The following PRPSAP1 variants were observed in gnomAD, a reference collection of about 807,000 sequenced individuals.
PRPSAP1 encodes phosphoribosyl pyrophosphate synthase-associated protein 1.
In PRPSAP1, 31 loss-of-function variants were observed where a neutral mutation model predicts 39.4. The ratio of observed to expected loss-of-function variants is 0.79; its 90% CI spans 0.59 to 1.06. The LOEUF is 1.06. Ranked by LOEUF, PRPSAP1 falls within the 50% of genes least tolerant of loss-of-function variation. The probability of loss-of-function intolerance (pLI) is 0.00; values close to 1 mark genes in which losing one functional copy is unlikely to be tolerated. For synonymous variants in PRPSAP1, 212 were observed against 192.6 expected (o/e 1.10, Z -0.83); for missense variants, 430 against 511.6 (o/e 0.84, Z 1.54).
intron 7 of PRPSAP1, among the ~76,000 whole-genome samples, chr17:76,325,730 C>T (rs1192028225): frequency 3.3e-5 from 5 of 151,260 alleles, no homozygotes; most frequent in Admixed American, 6.6e-5. Flanking sequence ...CTCAGCCACC[C>T]GGTAGCTGGG....
At chr17:76,319,164 T>C (rs2071159316) in intron 7 of PRPSAP1, among the ~76,000 whole-genome samples, 1 of 151,914 alleles carries the variant, frequency 6.6e-6, no homozygotes, top group African/African-American at 2.4e-5. Context: ...GGTCTCGAAC[T>C]CCTGACCTCG....
intron 7 of PRPSAP1, among the ~76,000 whole-genome samples, chr17:76,324,037 T>C (rs2071225974): frequency 1.0e-4 from 2 of 19,598 alleles, no homozygotes; most frequent in Non-Finnish European, 1.8e-4. Context: ...TCCCAGCTAC[T>C]CGGGAAGCTG....
In PRPSAP1 at chr17:76,309,551, G is replaced by GCAC. The variant is rs2071046574; in HGVS notation, c.*1990_*1991insGTG. The GCAC allele has an allele frequency of 6.6e-6, 1 of 152,164 alleles. No individual in the cohort carries two copies. Among genetic ancestry groups the GCAC allele is most frequent in the Non-Finnish European group, 1.5e-5 (1 of 68,048 alleles). The allele number at this position is 152,164 out of a possible 1,614,324, so 9.4% of individuals were successfully genotyped here. On this transcript the variant is annotated 3_prime_UTR_variant, in exon 10 of 10. Transcript: ENST00000446526. Reference sequence around the variant, plus strand: ...CAGAAGCACAGCAAGGCTACTTAAAGAGAACCTATGAATGTGTGCCATGCA... The same window carrying GCAC: ...CAGAAGCACAGCAAGGCTACTTAAAGCACAGAACCTATGAATGTGTGCCATGCA...
chr17:76,313,890 C>T lies in PRPSAP1; in HGVS notation c.783G>A (p.Leu261=). The T allele has an allele frequency of 6.2e-7, 1 of 1,614,118 alleles. No individual in the cohort carries two copies. Among genetic ancestry groups the T allele is most frequent in the South Asian group, 1.1e-5 (1 of 91,078 alleles). ...TCGGTGGCTTCTCTTTGGCCATCAT[C>T]ACTAGCAAAACAAAACAAATTACAA... ...ATVHPGLELP[L]MMAKEKPPIT... The change falls in exon 8 of 10, where the codon TTG becomes TTA. Residue 261 remains leucine, a splice_region_variant and synonymous_variant. Transcript: ENST00000446526.
intron 3 of PRPSAP1, among the ~76,000 whole-genome samples, chr17:76,338,691 AG>A (rs1306092558): frequency 6.6e-6 from 1 of 151,476 alleles, no homozygotes; most frequent in Non-Finnish European, 1.5e-5. Flanking sequence ...CAACACAGCA[AG>A]ACTCCGTCTC....
At position 76,313,835 on chromosome 17, in the gene PRPSAP1, T is replaced by C. The variant is rs2071093404; in HGVS notation, c.838A>G (p.Ile280Val). The C allele has an allele frequency of 1.2e-6, 2 of 1,614,210 alleles. No homozygotes were observed. Among genetic ancestry groups the C allele is most frequent in the East Asian group, 2.2e-5 (1 of 44,886 alleles). The change falls in exon 8 of 10, where the codon ATC (isoleucine) becomes GTC (valine). Residue 280 changes from isoleucine (I) to valine (V), a missense_variant. Physicochemically the swap from Ile to Val is conservative, Grantham distance 29. Around this residue, in one of 2 missense-constraint regions of PRPSAP1, gnomAD observed 278 missense variants for 376.3 expected, o/e 0.74. Coordinates refer to ENST00000446526, the MANE Select transcript of PRPSAP1 (RefSeq NM_002766.3). Reference sequence around the variant, plus strand: ...TATAACCATACCACGATGATTGCGATGCGGCCTCCAACATCTCCAACTACA... The same window carrying C: ...TATAACCATACCACGATGATTGCGACGCGGCCTCCAACATCTCCAACTACA... ...ITVVGDVGGR[I>V]AIIVDDIIDD...
upstream of PRPSAP1, chr17:76,354,085 T>C: frequency 9.6e-7 from 1 of 1,038,496 alleles, no homozygotes. Flanking sequence ...GGGAGCTCTT[T>C]CGGTCTCACT....
chr17:76,326,781 G>T (rs2071259956), intron 7 of PRPSAP1, among the ~76,000 whole-genome samples: 1 of 152,148 alleles, frequency 6.6e-6, no homozygotes, highest in Non-Finnish European at 1.5e-5. Context: ...CCTGAGTAAG[G>T]TCTGTAGATT....
chr17:76,344,678 T>G lies in PRPSAP1; in HGVS notation c.283A>C (p.Ile95Leu). 6.4e-7 allele frequency: 1 copy of G among 1,568,434 alleles called. No homozygotes were observed. Among genetic ancestry groups the G allele is most frequent in the Admixed American group, 1.9e-5 (1 of 53,658 alleles). ...AGTAGTCAGTCCTCTTACCTGGGTATTGTCTGTATAATGAAAATATCTTGG... is the reference window on the plus strand; with the variant it reads ...AGTAGTCAGTCCTCTTACCTGGGTAGTGTCTGTATAATGAAAATATCTTGG... ...RGQDIFIIQT[I>L]PRDVNTAVME... is the part of the protein sequence containing the mutation. Residue 95 changes from isoleucine (I) to leucine (L), a missense_variant, in exon 3 of 10, where the codon ATA becomes CTA. Coordinates refer to ENST00000446526, the MANE Select transcript of PRPSAP1 (RefSeq NM_002766.3).
At chr17:76,351,247 T>C (rs2071566279) in intron 1 of PRPSAP1, among the ~76,000 whole-genome samples, 2 of 150,654 alleles carry the variant, frequency 1.3e-5, no homozygotes, top group South Asian at 4.2e-4. Context: ...CCGGGCGCGG[T>C]GGCTCACGCC....
At chr17:76,325,841 C>T (rs1181269770) in intron 7 of PRPSAP1, among the ~76,000 whole-genome samples, 3 of 152,002 alleles carry the variant, frequency 2.0e-5, no homozygotes, top group Non-Finnish European at 2.9e-5. Context: ...CTCCTGACCT[C>T]GTGATCTGCC....
At chr17:76,336,267 G>T (rs969112127) in intron 3 of PRPSAP1, among the ~76,000 whole-genome samples, 1 of 151,908 alleles carries the variant, frequency 6.6e-6, no homozygotes, top group Non-Finnish European at 1.5e-5. Flanking sequence ...GTGAAAGCCC[G>T]TCTCTACTAA....
rs758832617 is a variant in PRPSAP1, at chr17:76,353,472, C to G, written c.170+62G>C. 9.4e-4 allele frequency: 1,331 copies of G among 1,415,932 alleles called. 13 individuals are homozygous for G. The highest frequency in any genetic ancestry group is 5.0e-4 in the Middle Eastern group (2 of 3,976). The allele number at this position is 1,415,932 out of a possible 1,614,324, so 87.7% of individuals were successfully genotyped here. On this transcript the variant is annotated intron_variant, in intron 1 of 9. Coordinates refer to ENST00000446526, the MANE Select transcript of PRPSAP1 (RefSeq NM_002766.3). ...GGCGGGTGGAGGGGAGCGGGTCCCT[C>G]CGGGCGCGAAGGAGAGCTAGGCGCC...
chr17:76,347,374 CT>C (rs2071517596), intron 2 of PRPSAP1, among the ~76,000 whole-genome samples: 1 of 149,166 alleles, frequency 6.7e-6, no homozygotes, highest in Non-Finnish European at 1.5e-5. Context: ...GTAATCCCAG[CT>C]ACTTGGGAGG....
intron 7 of PRPSAP1, among the ~76,000 whole-genome samples, chr17:76,320,591 ATT>A (rs34656314): frequency 5.8e-5 from 8 of 139,122 alleles, no homozygotes; most frequent in Non-Finnish European, 3.1e-5. Context: ...CGTCCAGCTA[ATT>A]TTTTTTTTTT....
intron 1 of PRPSAP1, among the ~76,000 whole-genome samples, chr17:76,352,549 G>C (rs1172025446): frequency 6.6e-6 from 1 of 150,496 alleles, no homozygotes; most frequent in Non-Finnish European, 1.5e-5. Context: ...GGAGGCTGGG[G>C]CAGGACAATG....
chr17:76,351,144 T>C (rs1462890989), intron 1 of PRPSAP1, among the ~76,000 whole-genome samples: 3 of 151,842 alleles, frequency 2.0e-5, no homozygotes, highest in Non-Finnish European at 4.4e-5. Flanking sequence ...ACGCCTATAA[T>C]CCCAGATCGT....
chr17:76,332,883 T>C (rs1217451247), intron 3 of PRPSAP1, among the ~76,000 whole-genome samples: 1 of 151,762 alleles, frequency 6.6e-6, no homozygotes, highest in African/African-American at 2.4e-5. Context: ...GGGGAGGTCT[T>C]GGAATATAAT....
chr17:76,329,220 G>A (rs1471506165), intron 6 of PRPSAP1, among the ~76,000 whole-genome samples: 1 of 151,974 alleles, frequency 6.6e-6, no homozygotes. Flanking sequence ...ACAGGCATGT[G>A]TTGCCACAAC....
Sources: gnomAD v4.1 joint callset for allele counts (sites outside exome capture counted in the v4.1 genomes callset) on GRCh38, gnomAD v4.1.1 for gene constraint, gnomAD v4.1.1 regional missense constraint, MANE v1.5 for transcripts, NCBI Gene and HGNC (gene_info 2026-07-23, HGNC 2026-07-21) for gene names.